The following SLX4IP variants were observed in gnomAD, a reference collection of about 807,000 sequenced individuals.
SLX4IP encodes protein SLX4IP.
In SLX4IP, 34 loss-of-function variants were observed where a neutral mutation model predicts 32.9. The ratio of observed to expected loss-of-function variants is 1.03; its 90% CI spans 0.79 to 1.38. The LOEUF (loss-of-function observed/expected upper bound fraction) is 1.38. SLX4IP is among the 40% of genes most tolerant of loss of function. The probability of loss-of-function intolerance (pLI) is 0.00; values close to 1 mark genes in which losing one functional copy is unlikely to be tolerated. For synonymous variants in SLX4IP, 172 were observed against 171.7 expected (o/e 1.00, Z -0.01); for missense variants, 444 against 479.0 (o/e 0.93, Z 0.68).
chr20:10,448,918 A>G (rs781400514), intron 1 of SLX4IP, among the ~76,000 whole-genome samples: 2 of 152,246 alleles, frequency 1.3e-5, no homozygotes, highest in Non-Finnish European at 2.9e-5. Flanking sequence ...CTCAGCACCA[A>G]TTATCTGGAA....
At chr20:10,606,022 C>T (rs1350724749) in intron 6 of SLX4IP, among the ~76,000 whole-genome samples, 1 of 152,134 alleles carries the variant, frequency 6.6e-6, no homozygotes, top group Admixed American at 6.5e-5. Flanking sequence ...CCTTTGTGGG[C>T]CATAGCCCTC....
intron 4 of SLX4IP, among the ~76,000 whole-genome samples, chr20:10,595,830 A>T (rs1342066626): frequency 1.3e-5 from 2 of 152,230 alleles, no homozygotes; most frequent in African/African-American, 4.8e-5. Flanking sequence ...TCATATGACC[A>T]GTCGAATTTG....
intron 6 of SLX4IP, chr20:10,613,389 C>T (rs1160046429): frequency 6.8e-7 from 1 of 1,480,934 alleles, no homozygotes; most frequent in East Asian, 2.3e-5. Context: ...ACCTTGCTTA[C>T]AATGGCATCA....
intron 2 of SLX4IP, among the ~76,000 whole-genome samples, chr20:10,523,434 A>G (rs17526731): frequency 0.11 from 17,150 of 152,270 alleles, 1,298 homozygotes; most frequent in Non-Finnish European, 0.17. Context: ...TGACCTCTGT[A>G]TATAGACATA....
At chr20:10,474,835 G>A (rs2065461134) in intron 2 of SLX4IP, among the ~76,000 whole-genome samples, 1 of 152,234 alleles carries the variant, frequency 6.6e-6, no homozygotes. Flanking sequence ...ACTGATCTCT[G>A]TATCATAGCT....
chr20:10,480,325 G>A (rs1276779151), intron 2 of SLX4IP, among the ~76,000 whole-genome samples: 1 of 152,056 alleles, frequency 6.6e-6, no homozygotes, highest in Non-Finnish European at 1.5e-5. Flanking sequence ...ACCTGAGCCT[G>A]GGAGGTTGAG....
At chr20:10,572,105 G>A (rs2066473565) in intron 4 of SLX4IP, among the ~76,000 whole-genome samples, 2 of 152,154 alleles carry the variant, frequency 1.3e-5, no homozygotes, top group African/African-American at 2.4e-5. Context: ...CCCTGAGACA[G>A]TCCTTTCTAG....
At chr20:10,468,670 G>A (rs1374323983) in intron 2 of SLX4IP, among the ~76,000 whole-genome samples, 1 of 152,090 alleles carries the variant, frequency 6.6e-6, no homozygotes, top group Non-Finnish European at 1.5e-5. Flanking sequence ...CTTTTTCCAA[G>A]CTTGACCAGT....
intron 2 of SLX4IP, among the ~76,000 whole-genome samples, chr20:10,461,413 G>A (rs554584613): frequency 2.0e-5 from 3 of 152,342 alleles, no homozygotes; most frequent in East Asian, 1.9e-4. Flanking sequence ...GTGAGTATCA[G>A]GCTAGCATAA....
intron 2 of SLX4IP, among the ~76,000 whole-genome samples, chr20:10,553,408 C>G (rs1276034190): frequency 6.6e-6 from 1 of 152,104 alleles, no homozygotes; most frequent in Non-Finnish European, 1.5e-5. Context: ...TCTTGTTAAT[C>G]CTATGTGTTG....
chr20:10,557,622 C>T (rs535778778), intron 3 of SLX4IP, among the ~76,000 whole-genome samples: 3 of 152,372 alleles, frequency 2.0e-5, no homozygotes, highest in Admixed American at 6.5e-5. Context: ...AATCTTCTGA[C>T]TTGACTTAAA....
At chr20:10,547,725 G>T (rs2066176673) in intron 2 of SLX4IP, among the ~76,000 whole-genome samples, 1 of 152,200 alleles carries the variant, frequency 6.6e-6, no homozygotes, top group Non-Finnish European at 1.5e-5. Flanking sequence ...CGTTCAGGGT[G>T]CAGGTGAGAG....
chr20:10,453,670 G>A (rs190307008), intron 1 of SLX4IP, among the ~76,000 whole-genome samples: 31 of 151,978 alleles, frequency 2.0e-4, no homozygotes, highest in African/African-American at 5.1e-4. Context: ...TTCTTTGGGC[G>A]GTTTGGAACC....
intron 7 of SLX4IP, among the ~76,000 whole-genome samples, chr20:10,621,716 T>A (rs1388879596): frequency 6.6e-6 from 1 of 151,982 alleles, no homozygotes; most frequent in African/African-American, 2.4e-5. Flanking sequence ...AAAAAAAAAA[T>A]TCCTTTCCTA....
At chr20:10,486,307 G>C (rs1029557960) in intron 2 of SLX4IP, among the ~76,000 whole-genome samples, 1 of 151,150 alleles carries the variant, frequency 6.6e-6, no homozygotes, top group African/African-American at 2.4e-5. Context: ...CACATAACAT[G>C]TTGTGAAGGA....
chr20:10,548,157 G>A (rs1387021931), intron 2 of SLX4IP, among the ~76,000 whole-genome samples: 10 of 152,162 alleles, frequency 6.6e-5, no homozygotes, highest in South Asian at 4.1e-4. Context: ...CCTAAACTGG[G>A]GCATTATTAG....
intron 2 of SLX4IP, among the ~76,000 whole-genome samples, chr20:10,482,988 G>A (rs141189191): frequency 1.3e-5 from 2 of 152,134 alleles, no homozygotes; most frequent in African/African-American, 4.8e-5. Context: ...GCCATTCACT[G>A]TTCATGTTTA....
intron 2 of SLX4IP, among the ~76,000 whole-genome samples, chr20:10,534,071 C>T (rs1239172369): frequency 6.6e-6 from 1 of 152,130 alleles, no homozygotes; most frequent in East Asian, 1.9e-4. Context: ...AGTTTTGTCT[C>T]AGCCGAGGCA....
chr20:10,544,697 T>G (rs1251660206), intron 2 of SLX4IP, among the ~76,000 whole-genome samples: 1 of 152,154 alleles, frequency 6.6e-6, no homozygotes, highest in African/African-American at 2.4e-5. Context: ...TTTTTTTTTC[T>G]TTTTAAAGAA....
Sources: allele counts gnomAD v4.1 joint callset (sites outside exome capture counted in the v4.1 genomes callset), GRCh38; gene constraint gnomAD v4.1.1; transcripts MANE v1.5; gene names NCBI Gene and HGNC (gene_info 2026-07-23, HGNC 2026-07-21).